The following ATG16L1 variants were observed in gnomAD, a reference collection of about 807,000 sequenced individuals.
ATG16L1 encodes autophagy related 16 like 1.
ATG16L1 carries 37 observed loss-of-function variants against 88.5 expected under a neutral mutation model. The observed-to-expected ratio is 0.42, with a 90% CI of 0.32 to 0.55. ATG16L1 has a LOEUF of 0.55. ATG16L1 is among the 20% of genes least tolerant of loss of function. ATG16L1 has a pLI of 0.13. For missense variants in ATG16L1, 554 were observed against 752.8 expected (o/e 0.74, Z 3.09); for synonymous variants, 301 against 281.0 (o/e 1.07, Z -0.71).
At chr2:233,292,328 T>C in intron 15 of ATG16L1, 51 bp downstream of exon 15, 3 of 1,610,410 alleles carry the variant, frequency 1.9e-6, no homozygotes, top group Non-Finnish European at 2.5e-6. Flanking sequence ...AGCCCTGCTC[T>C]CTTAACGTGC....
intron 17 of ATG16L1, 68 bp from the exon 18 acceptor site, chr2:233,294,189 G>T: frequency 7.7e-7 from 1 of 1,299,446 alleles, no homozygotes. Context: ...AGCTTCTGGT[G>T]TTTGGTTTAC....
At chr2:233,261,198 G>A (rs978281794) in intron 2 of ATG16L1, among the ~76,000 whole-genome samples, 38 of 152,042 alleles carry the variant, frequency 2.5e-4, no homozygotes, top group Admixed American at 7.2e-4. Context: ...CTCGTGATCC[G>A]CCCGCCTCGG....
chr2:233,281,157 C>T lies in ATG16L1; in HGVS notation c.1113C>T (p.Ser371=). 4 of 1,602,506 alleles carry T rather than the reference C, an allele frequency of 2.5e-6. No individual in the cohort carries two copies. The highest frequency in any genetic ancestry group is 3.4e-6 in the Non-Finnish European group (4 of 1,176,572). Residue 371 remains serine (S), a synonymous_variant, in exon 11 of 18, where the codon AGC becomes AGT. Coordinates refer to ENST00000392017, the MANE Select transcript of ATG16L1 (RefSeq NM_030803.7). ...CTGGCAGTAATGCAGGAATTACAAG[C>T]ATTGAATTTGATAGTGCTGTAAGTA... ...SLSGSNAGIT[S]IEFDSAGSYL... is the part of the protein sequence containing the mutation.
intron 5 of ATG16L1, 72 bp from the exon 6 acceptor site, chr2:233,269,930 C>T (rs1354381912): frequency 6.7e-7 from 1 of 1,488,508 alleles, no homozygotes; most frequent in East Asian, 2.4e-5. Context: ...CTGGTGGCTT[C>T]TAGAGAGCCC....
Position 233,263,224 on chromosome 2 carries a change from A to C in ATG16L1, c.304A>C (p.Lys102Gln). The change falls in exon 3 of 18, where the codon AAA (lysine) becomes CAA (glutamine). Residue 102 changes from lysine to glutamine, a missense_variant. This residue lies in a region of ATG16L1 where 11 missense variants were observed against 32.1 expected (regional missense o/e 0.34). Transcript: ENST00000392017. ...HQEELTELHK[K>Q]RGELAQLVID... ...AGAGGAACTGACTGAATTACACAAG[A>C]AACGTGGGGAGGTAAAGCTAGCCCT... 1 of 1,613,852 alleles carries C rather than the reference A, an allele frequency of 6.2e-7. No individual in the cohort carries two copies. Among genetic ancestry groups the C allele is most frequent in the Non-Finnish European group, 8.5e-7 (1 of 1,179,836 alleles).
intron 5 of ATG16L1, among the ~76,000 whole-genome samples, chr2:233,265,414 A>G (rs1272677560): frequency 6.6e-6 from 1 of 152,264 alleles, no homozygotes; most frequent in Non-Finnish European, 1.5e-5. Flanking sequence ...CAAGAAGACT[A>G]TAATCCAACC....
At chr2:233,267,452 T>TA (rs1186624435) in intron 5 of ATG16L1, among the ~76,000 whole-genome samples, 1 of 124,180 alleles carries the variant, frequency 8.1e-6, no homozygotes, top group East Asian at 2.1e-4. Context: ...CCCAATTTTG[T>TA]ATACTTTTTT....
chr2:233,293,319 C>T lies in ATG16L1; in HGVS notation c.1692C>T (p.Leu564=). 6 of 1,614,160 alleles carry T rather than the reference C, an allele frequency of 3.7e-6. No individual in the cohort carries two copies. The highest frequency in any genetic ancestry group is 5.1e-6 in the Non-Finnish European group (6 of 1,180,036). ...AEGSLYIWSV[L]TGKVEKVLSK... is the part of the protein sequence containing the mutation. ...GCTCTCTGTATATCTGGAGTGTGCT[C>T]ACAGGGAAAGTGGAAAAGGTTCTTT... The change falls in exon 17 of 18, where the codon CTC becomes CTT. Residue 564 remains leucine (L), a synonymous_variant. Coordinates refer to ENST00000392017, the MANE Select transcript of ATG16L1 (RefSeq NM_030803.7).
At chr2:233,288,655 G>A (rs762694980) in intron 12 of ATG16L1, 2 of 429,970 alleles carry the variant, frequency 4.7e-6, no homozygotes, top group Non-Finnish European at 9.4e-6. Flanking sequence ...ATAGAAAAAT[G>A]TTGATCATGC....
chr2:233,288,733 T>C, intron 12 of ATG16L1: 1 of 517,530 alleles, frequency 1.9e-6, no homozygotes, highest in Non-Finnish European at 3.9e-6. Context: ...GCATCCCAGT[T>C]ATCCCCAGCT....
chr2:233,290,033 T>A, intron 13 of ATG16L1, 59 bp downstream of exon 13: 2 of 1,598,774 alleles, frequency 1.3e-6, no homozygotes, highest in East Asian at 4.5e-5. Context: ...TGGAGGTGTG[T>A]GTTTGCACGT....
At chr2:233,254,485 G>C (rs548651058) in intron 1 of ATG16L1, among the ~76,000 whole-genome samples, 1 of 152,106 alleles carries the variant, frequency 6.6e-6, no homozygotes. Context: ...TGTTCAGTCC[G>C]TGCCTTTGAG....
Position 233,270,054 on chromosome 2 carries a change from C to G in ATG16L1, c.694C>G (p.Leu232Val). 3 of 1,590,070 alleles carry G rather than the reference C, an allele frequency of 1.9e-6. No homozygotes were observed. The highest frequency in any genetic ancestry group is 2.6e-6 in the Non-Finnish European group (3 of 1,171,304). Reference protein sequence around the residue: ...KELAEAAKEPLPVEQDDDIEV... With the variant: ...KELAEAAKEPVPVEQDDDIEV... ...GCTTGCAGAAGCAGCAAAGGAACCT[C>G]TACCAGTCGAACAGTAAGTAAAGAT... Residue 232 changes from leucine (L) to valine (V), a missense_variant, in exon 6 of 18, where the codon CTA becomes GTA. Leu to Val is a conservative substitution (Grantham distance 32). Transcript: ENST00000392017.
intron 12 of ATG16L1, 123 bp from the exon 13 acceptor site, chr2:233,289,730 TC>T: frequency 7.6e-7 from 1 of 1,314,180 alleles, no homozygotes; most frequent in Non-Finnish European, 1.1e-6. Flanking sequence ...CTTTGAGTGT[TC>T]CTGGCCGGAT....
At chr2:233,273,674 G>C in intron 7 of ATG16L1, 47 bp from the exon 8 acceptor site, 1 of 1,580,584 alleles carries the variant, frequency 6.3e-7, no homozygotes, top group Middle Eastern at 1.7e-4. Flanking sequence ...TTGATTATTT[G>C]GGCAAAATGT....
intron 12 of ATG16L1, among the ~76,000 whole-genome samples, chr2:233,285,458 GT>G (rs1186515127): frequency 6.6e-6 from 1 of 152,194 alleles, no homozygotes; most frequent in African/African-American, 2.4e-5. Flanking sequence ...TGGCACACAG[GT>G]CTCACTGGGG....
intron 2 of ATG16L1, among the ~76,000 whole-genome samples, chr2:233,257,993 C>A (rs1696914845): frequency 7.3e-6 from 1 of 137,526 alleles, no homozygotes. Flanking sequence ...CAGAGCGAGA[C>A]TCCGTCTCAA....
At chr2:233,266,753 TAAAG>T (rs1265592959) in intron 5 of ATG16L1, among the ~76,000 whole-genome samples, 3 of 152,142 alleles carry the variant, frequency 2.0e-5, no homozygotes, top group Non-Finnish European at 4.4e-5. Context: ...GCTTAATGGA[TAAAG>T]AAAATGTGCT....
intron 1 of ATG16L1, among the ~76,000 whole-genome samples, chr2:233,255,076 C>T (rs955412204): frequency 1.3e-5 from 2 of 152,114 alleles, no homozygotes; most frequent in African/African-American, 2.4e-5. Flanking sequence ...CGAGTTCAAG[C>T]GATTCTTGTG....
Sources: gnomAD v4.1 joint callset for allele counts (sites outside exome capture counted in the v4.1 genomes callset) on GRCh38, gnomAD v4.1.1 for gene constraint, gnomAD v4.1.1 regional missense constraint, MANE v1.5 for transcripts, NCBI Gene and HGNC (gene_info 2026-07-23, HGNC 2026-07-21) for gene names.